TMEM135: variants seen among roughly 807,000 people sequenced by gnomAD.
The protein encoded by TMEM135 is transmembrane protein 135.
Under a neutral mutation model 60.3 loss-of-function variants are expected in TMEM135, and 30 were observed. The observed-to-expected ratio is 0.50, with a 90% CI of 0.37 to 0.68. The LOEUF is 0.68. Ranked by LOEUF, TMEM135 falls within the 30% of genes least tolerant of loss-of-function variation. TMEM135 has a pLI of 0.00. For synonymous variants in TMEM135, 190 were observed against 186.7 expected (o/e 1.02, Z -0.14); for missense variants, 468 against 548.8 (o/e 0.85, Z 1.47).
chr11:87,122,437 A>ATTTTTATT lies in TMEM135; in HGVS notation c.396+31043_396+31044insTTTTATTT, dbSNP rs765586434. Among the ~76,000 whole-genome samples, 199 of 144,946 alleles carry ATTTTTATT rather than the reference A, an allele frequency of 1.4e-3. 2 individuals carry two copies. Among genetic ancestry groups the ATTTTTATT allele is most frequent in the African/African-American group, 3.4e-3 (133 of 39,552 alleles). Reference sequence around the variant, plus strand: ...TTTGTTCATTTATCATTTAGTTTTTATATTTATTTATTTATTTATTTATTT... The same window carrying ATTTTTATT: ...TTTGTTCATTTATCATTTAGTTTTTATTTTTATTTATTTATTTATTTATTTATTTATTT... On this transcript the variant is annotated intron_variant, in intron 4 of 14. Transcript: ENST00000305494.
chr11:87,114,276 TCAG>T (rs1225246335), intron 4 of TMEM135, among the ~76,000 whole-genome samples: 1 of 152,138 alleles, frequency 6.6e-6, no homozygotes, highest in Admixed American at 6.5e-5. Flanking sequence ...TAACAGCTAT[TCAG>T]CACATCTTGC....
At chr11:87,053,990 C>G (rs1949867752) in intron 1 of TMEM135, among the ~76,000 whole-genome samples, 1 of 152,028 alleles carries the variant, frequency 6.6e-6, no homozygotes, top group Non-Finnish European at 1.5e-5. Context: ...TGTTAGTGAG[C>G]CTGAATAATT....
intron 4 of TMEM135, among the ~76,000 whole-genome samples, chr11:87,122,262 G>A (rs673634): frequency 0.35 from 51,390 of 147,670 alleles, 9,352 homozygotes; most frequent in East Asian, 0.62. Context: ...AAGTTATTTC[G>A]CAAAGACAAC....
At position 87,327,325 on chromosome 11, in the gene TMEM135, G is replaced by A. The variant is rs1215852193; in HGVS notation, c.*5992G>A. 1 of 453,998 alleles carries A rather than the reference G, an allele frequency of 2.2e-6. No individual in the cohort carries two copies. Among genetic ancestry groups the A allele is most frequent in the Non-Finnish European group, 4.4e-6 (1 of 226,780 alleles). The allele number at this position is 453,998 out of a possible 1,614,324, so 28.1% of individuals were successfully genotyped here. The stretch of plus-strand genomic sequence containing the variant: ...TCTGTGGCAGCAATCTTGCAGACAT[G>A]AAATGAAAAGTACAAACATGAAAAA... On this transcript the variant is annotated 3_prime_UTR_variant, in exon 15 of 15. Transcript: ENST00000305494.
At chr11:87,177,980 C>G (rs1052029309) in intron 5 of TMEM135, among the ~76,000 whole-genome samples, 13 of 152,186 alleles carry the variant, frequency 8.5e-5, no homozygotes, top group Admixed American at 2.6e-4. Flanking sequence ...GGACCTAAAG[C>G]TTCCATGCCC....
rs1591062141 is a variant in TMEM135 at position 87,155,889 on chromosome 11, C to A, written c.397-1452C>A. Among the ~76,000 whole-genome samples, 3 of 152,176 alleles carry A rather than the reference C, an allele frequency of 2.0e-5. No individual in the cohort carries two copies. The East Asian group carries it at 5.8e-4, about 29-fold the overall frequency. ...ATGATTCTAACATCAGAGACCCTAT[C>A]TGTCTTAAAAAATGTCTTACAACCT... On this transcript the variant is annotated intron_variant, in intron 4 of 14. Transcript: ENST00000305494.
intron 4 of TMEM135, among the ~76,000 whole-genome samples, chr11:87,114,508 G>C (rs1857829527): frequency 6.6e-6 from 1 of 152,130 alleles, no homozygotes; most frequent in Admixed American, 6.5e-5. Flanking sequence ...ATATGATTTT[G>C]AACAACCGAT....
intron 6 of TMEM135, among the ~76,000 whole-genome samples, chr11:87,291,421 C>G (rs962011841): frequency 1.3e-5 from 2 of 151,150 alleles, no homozygotes; most frequent in African/African-American, 4.9e-5. Flanking sequence ...CCTTCTACAA[C>G]TATGATCTAG....
At chr11:87,077,393 G>A (rs1051265854) in intron 3 of TMEM135, among the ~76,000 whole-genome samples, 3 of 152,132 alleles carry the variant, frequency 2.0e-5, no homozygotes, top group Non-Finnish European at 2.9e-5. Flanking sequence ...ACATTCACTT[G>A]TCGAAGGACA....
At chr11:87,311,215 GTGT>G (rs1210170001) in intron 10 of TMEM135, among the ~76,000 whole-genome samples, 1 of 145,264 alleles carries the variant, frequency 6.9e-6, no homozygotes, top group Non-Finnish European at 1.5e-5. Flanking sequence ...AACATGGACA[GTGT>G]TGTTTTCTGT....
At position 87,258,947 on chromosome 11, in the gene TMEM135, G is replaced by A. The variant is rs1458179305; in HGVS notation, c.509+22263G>A. ...ATCTGCTGCTGCTGCAGTTGCTGCT[G>A]TTGCTCGGTTTGCATCTTCTCAGTC... On this transcript the variant is annotated intron_variant, in intron 6 of 14. Transcript: ENST00000305494. The A allele has an allele frequency of 5.4e-6, 8 of 1,484,246 alleles. No individual in the cohort carries two copies. The Admixed American group carries it at 1.2e-4, about 22-fold the overall frequency. The allele number at this position is 1,484,246 out of a possible 1,614,324, so 91.9% of individuals were successfully genotyped here.
Position 87,180,857 on chromosome 11 carries a change from G to A in TMEM135, c.462+23451G>A, listed in dbSNP as rs562131002. 2.0e-5 allele frequency among the ~76,000 whole-genome samples: 3 copies of A among 152,300 alleles called. No individual in the cohort carries two copies. The East Asian group carries it at 5.8e-4, about 29-fold the overall frequency. On this transcript the variant is annotated intron_variant, in intron 5 of 14. Transcript: ENST00000305494. The stretch of plus-strand genomic sequence containing the variant: ...GACCAAAAGCCTTTAGCATGACCAA[G>A]AGTGTCAAAATGCAATATTCAAAGT...
intron 5 of TMEM135, among the ~76,000 whole-genome samples, chr11:87,218,770 C>A (rs1243473044): frequency 2.0e-5 from 3 of 151,990 alleles, no homozygotes; most frequent in Admixed American, 2.0e-4. Context: ...GAGATCAGCC[C>A]GGCCAATATG....
chr11:87,122,437 A>ATTTTTATTTATTTAATTTATT lies in TMEM135; in HGVS notation c.396+31043_396+31044insTTTTATTTATTTAATTTATTT, dbSNP rs765586434. ...TTTGTTCATTTATCATTTAGTTTTT[A>ATTTTTATTTATTTAATTTATT]TATTTATTTATTTATTTATTTATTT... On this transcript the variant is annotated intron_variant, in intron 4 of 14. Coordinates refer to ENST00000305494, the MANE Select transcript of TMEM135 (RefSeq NM_022918.4). Among the ~76,000 whole-genome samples, 3 of 144,946 alleles carry ATTTTTATTTATTTAATTTATT rather than the reference A, an allele frequency of 2.1e-5. No homozygotes were observed. In the East Asian group the frequency reaches 6.0e-4, roughly 29 times the overall value.
chr11:87,294,874 T>C (rs1443078644), intron 6 of TMEM135, among the ~76,000 whole-genome samples: 1 of 138,874 alleles, frequency 7.2e-6, no homozygotes, highest in Non-Finnish European at 1.6e-5. Context: ...CTTGTTTAAA[T>C]ATTTTTTTGC....
intron 4 of TMEM135, among the ~76,000 whole-genome samples, chr11:87,122,968 G>GTC (rs1440889366): frequency 6.6e-6 from 1 of 152,078 alleles, no homozygotes. Flanking sequence ...GGGTCATATG[G>GTC]TCCCCTGTGG....
intron 6 of TMEM135, among the ~76,000 whole-genome samples, chr11:87,255,214 G>A (rs1331478309): frequency 6.6e-6 from 1 of 152,162 alleles, no homozygotes; most frequent in Non-Finnish European, 1.5e-5. Context: ...AGAGCAGGTA[G>A]GGGTCGGAAG....
Position 87,166,387 on chromosome 11 carries a change from T to C in TMEM135, c.462+8981T>C, listed in dbSNP as rs1354805449. Among the ~76,000 whole-genome samples the C allele has an allele frequency of 2.0e-5, 3 of 151,800 alleles. No individual in the cohort carries two copies. In the East Asian group the frequency reaches 5.8e-4, roughly 29 times the overall value. ...GCCATGAAGTCTTTGCCCATGGCTA[T>C]GTCCTGAATGGTATTGCTTAGGTTT... On this transcript the variant is annotated intron_variant, in intron 5 of 14. Coordinates refer to ENST00000305494, the MANE Select transcript of TMEM135 (RefSeq NM_022918.4).
rs772654585 is a variant in TMEM135, at chr11:87,314,484, T to C, written c.1014T>C (p.Gly338=). The change falls in exon 12 of 15, where the codon GGT becomes GGC. Residue 338 remains glycine, a synonymous_variant. Coordinates refer to ENST00000305494, the MANE Select transcript of TMEM135 (RefSeq NM_022918.4). ...LHAIIAGFLA[G]ISMMFYKSTT... ...TTCTTGTTTCAGGATTTTTGGCAGG[T>C]ATATCAATGATGTTTTATAAAAGCA... 5 of 1,610,312 alleles carry C rather than the reference T, an allele frequency of 3.1e-6. No individual in the cohort carries two copies. In the East Asian group the frequency reaches 1.1e-4, roughly 36 times the overall value.
Sources: gnomAD v4.1 joint callset for allele counts (sites outside exome capture counted in the v4.1 genomes callset) on GRCh38, gnomAD v4.1.1 for gene constraint, MANE v1.5 for transcripts, NCBI Gene and HGNC (gene_info 2026-07-23, HGNC 2026-07-21) for gene names.